The following CSMD1 variants were observed in gnomAD, a reference collection of about 807,000 sequenced individuals.
CSMD1 encodes CUB and sushi domain-containing protein 1.
In CSMD1, 213 loss-of-function variants were observed where a neutral mutation model predicts 417.5. The observed-to-expected ratio is 0.51, with a 90% confidence interval of 0.46 to 0.57. CSMD1 has a LOEUF of 0.57. Ranked by LOEUF, CSMD1 falls within the 20% of genes least tolerant of loss-of-function variation. The pLI, the probability that CSMD1 is intolerant of heterozygous loss-of-function variation, is 0.00. For synonymous variants in CSMD1, 2,862 were observed against 1,736.8 expected (o/e 1.65, Z -16.11); for missense variants, 6,923 against 4,529.7 (o/e 1.53, Z -15.17).
At chr8:3,999,257 G>T (rs951446033) in intron 4 of CSMD1, among the ~76,000 whole-genome samples, 6 of 151,944 alleles carry the variant, frequency 3.9e-5, no homozygotes, top group South Asian at 2.1e-4. Flanking sequence ...GTAAAAGTCA[G>T]CCTGTTACCA....
chr8:4,122,288 G>T (rs566856387), intron 3 of CSMD1, among the ~76,000 whole-genome samples: 1 of 152,080 alleles, frequency 6.6e-6, no homozygotes. Context: ...TTATAGATTT[G>T]CTGGTCATAA....
At chr8:4,442,267 T>G (rs538244031) in intron 2 of CSMD1, among the ~76,000 whole-genome samples, 126 of 152,296 alleles carry the variant, frequency 8.3e-4, no homozygotes, top group Admixed American at 1.4e-3. Flanking sequence ...AAATTTTGTT[T>G]TTATAACAGT....
intron 1 of CSMD1, among the ~76,000 whole-genome samples, chr8:4,665,805 G>C (rs929519918): frequency 2.6e-5 from 4 of 152,118 alleles, no homozygotes; most frequent in Admixed American, 6.6e-5. Context: ...CAAATATAAA[G>C]TTGCTGTAAA....
At chr8:4,420,123 C>G (rs1375369286) in intron 2 of CSMD1, 58 bp from the exon 3 acceptor site, 5 of 1,139,162 alleles carry the variant, frequency 4.4e-6, no homozygotes, top group African/African-American at 1.6e-5. Flanking sequence ...TCAAAAAAAG[C>G]TTATTTGATG....
chr8:4,169,054 C>T (rs1797617691), intron 3 of CSMD1, among the ~76,000 whole-genome samples: 1 of 152,180 alleles, frequency 6.6e-6, no homozygotes, highest in Non-Finnish European at 1.5e-5. Flanking sequence ...TTCTTTCTGA[C>T]CTCTGGATGT....
At chr8:3,498,225 T>C (rs887890228) in intron 10 of CSMD1, among the ~76,000 whole-genome samples, 3 of 152,222 alleles carry the variant, frequency 2.0e-5, no homozygotes, top group African/African-American at 7.2e-5. Context: ...TTGCTGTTTT[T>C]AGACTTCTCT....
At chr8:4,554,767 G>C (rs192115276) in intron 2 of CSMD1, among the ~76,000 whole-genome samples, 1 of 152,300 alleles carries the variant, frequency 6.6e-6, no homozygotes, top group East Asian at 1.9e-4. Flanking sequence ...CTAGTCATTG[G>C]CCAGGGAAAC....
intron 1 of CSMD1, among the ~76,000 whole-genome samples, chr8:4,732,384 G>GTGTGTGT (rs1563244645): frequency 4.4e-5 from 2 of 45,312 alleles, no homozygotes; most frequent in African/African-American, 1.6e-4. Context: ...TGTGTGTGTA[G>GTGTGTGT]TGTTTTTCCC....
chr8:4,146,006 C>T (rs1167064723), intron 3 of CSMD1, among the ~76,000 whole-genome samples: 1 of 150,804 alleles, frequency 6.6e-6, no homozygotes, highest in Non-Finnish European at 1.5e-5. Context: ...CCTGCACTAA[C>T]TAGGTATTCA....
intron 2 of CSMD1, among the ~76,000 whole-genome samples, chr8:4,552,364 T>A (rs1414186217): frequency 2.6e-5 from 4 of 152,104 alleles, no homozygotes; most frequent in Non-Finnish European, 5.9e-5. Context: ...TCTGTGAACT[T>A]TAAGGAAGAG....
At chr8:3,935,949 T>G (rs1330445881) in intron 5 of CSMD1, among the ~76,000 whole-genome samples, 1 of 152,068 alleles carries the variant, frequency 6.6e-6, no homozygotes, top group Non-Finnish European at 1.5e-5. Context: ...AAGCTGTGAA[T>G]GCAAAGGAAA....
chr8:3,102,150 A>G (rs1431209738), intron 46 of CSMD1, among the ~76,000 whole-genome samples: 1 of 152,084 alleles, frequency 6.6e-6, no homozygotes, highest in Non-Finnish European at 1.5e-5. Flanking sequence ...AGCTAACGTA[A>G]TTTTTCTGAA....
chr8:4,859,595 C>A (rs548381325), intron 1 of CSMD1, among the ~76,000 whole-genome samples: 1 of 151,946 alleles, frequency 6.6e-6, no homozygotes, highest in African/African-American at 2.4e-5. Flanking sequence ...AAAAAGTGGG[C>A]GAAGGACATG....
At chr8:4,160,548 G>T (rs561852424) in intron 3 of CSMD1, among the ~76,000 whole-genome samples, 58 of 152,322 alleles carry the variant, frequency 3.8e-4, no homozygotes, top group Non-Finnish European at 6.2e-4. Flanking sequence ...ATTTTCAGGT[G>T]ATTTAAATAT....
At chr8:3,392,758 T>C (rs1811425646) in intron 17 of CSMD1, among the ~76,000 whole-genome samples, 1 of 152,144 alleles carries the variant, frequency 6.6e-6, no homozygotes, top group Non-Finnish European at 1.5e-5. Context: ...GTTAGTGCAC[T>C]ATGATGTTTG....
intron 5 of CSMD1, among the ~76,000 whole-genome samples, chr8:3,817,755 C>G (rs930913354): frequency 6.6e-6 from 1 of 152,098 alleles, no homozygotes; most frequent in Non-Finnish European, 1.5e-5. Context: ...CTTCCAGAAA[C>G]AGAGGTCTTC....
At chr8:3,632,571 G>A (rs1796839298) in intron 7 of CSMD1, among the ~76,000 whole-genome samples, 1 of 152,116 alleles carries the variant, frequency 6.6e-6, no homozygotes, top group South Asian at 2.1e-4. Context: ...TTAAAAAATT[G>A]CATAAAGATG....
chr8:4,012,769 C>A (rs769524567), intron 4 of CSMD1, among the ~76,000 whole-genome samples: 24 of 152,262 alleles, frequency 1.6e-4, no homozygotes, highest in African/African-American at 3.9e-4. Context: ...TTTCCATTTT[C>A]AAATCTGCAA....
At chr8:2,955,996 C>A (rs1367781965) in intron 63 of CSMD1, among the ~76,000 whole-genome samples, 1 of 151,952 alleles carries the variant, frequency 6.6e-6, no homozygotes. Context: ...CTGTTTTGAC[C>A]TCCCAAAGTA....
Sources: gnomAD v4.1 joint callset for allele counts (sites outside exome capture counted in the v4.1 genomes callset) on GRCh38, gnomAD v4.1.1 for gene constraint, MANE v1.5 for transcripts, NCBI Gene and HGNC (gene_info 2026-07-23, HGNC 2026-07-21) for gene names.